The following LAMA2 variants were observed in gnomAD, a reference collection of about 807,000 sequenced individuals.
The protein encoded by LAMA2 is laminin subunit alpha-2.
In LAMA2, 269 loss-of-function variants were observed where a neutral mutation model predicts 364.8. That is an observed-to-expected ratio of 0.74 (90% confidence interval 0.67 to 0.82). The LOEUF is 0.82. Among genes scored for constraint, LAMA2 ranks in the 40% least tolerant of loss-of-function variants. LAMA2 has a pLI of 0.00. For missense variants in LAMA2, 3,807 were observed against 3,873.2 expected (o/e 0.98, Z 0.45); for synonymous variants, 1,379 against 1,370.6 (o/e 1.01, Z -0.14).
intron 41 of LAMA2, among the ~76,000 whole-genome samples, chr6:129,428,100 A>G (rs1781412796): frequency 6.6e-6 from 1 of 152,164 alleles, no homozygotes; most frequent in Admixed American, 6.6e-5. Context: ...CCTATATCTA[A>G]TGTATAGTAA....
At chr6:129,104,852 A>G (rs1049502612) in intron 4 of LAMA2, among the ~76,000 whole-genome samples, 2 of 152,128 alleles carry the variant, frequency 1.3e-5, no homozygotes, top group Non-Finnish European at 2.9e-5. Context: ...AAAGAGCTTA[A>G]CCCTGAAACC....
chr6:129,130,055 G>A (rs564153591), intron 4 of LAMA2, among the ~76,000 whole-genome samples: 2 of 152,170 alleles, frequency 1.3e-5, no homozygotes, highest in African/African-American at 2.4e-5. Flanking sequence ...GATAGGAAGA[G>A]CATATGGTAT....
At chr6:129,326,098 C>G (rs548257668) in intron 28 of LAMA2, among the ~76,000 whole-genome samples, 4 of 152,296 alleles carry the variant, frequency 2.6e-5, no homozygotes, top group Admixed American at 2.6e-4. Flanking sequence ...CCTCAGCCTC[C>G]CAAAATGCTG....
chr6:129,098,097 T>C, intron 3 of LAMA2, 76 bp from the exon 4 acceptor site: 1 of 1,431,150 alleles, frequency 7.0e-7, no homozygotes, highest in South Asian at 1.2e-5. Flanking sequence ...TACTGTAGCA[T>C]TTAGACTTAT....
intron 40 of LAMA2, among the ~76,000 whole-genome samples, chr6:129,420,009 A>T (rs1482861327): frequency 5.9e-5 from 9 of 152,146 alleles, no homozygotes. Flanking sequence ...TTATTATAAA[A>T]GCAGCTTATG....
At chr6:129,074,075 C>G (rs114576414) in intron 3 of LAMA2, among the ~76,000 whole-genome samples, 306 of 152,306 alleles carry the variant, frequency 2.0e-3, no homozygotes, top group African/African-American at 7.1e-3. Flanking sequence ...CTAGTTTACT[C>G]TTAGTTCTAG....
At chr6:128,962,155 T>C (rs1198172135) in intron 1 of LAMA2, among the ~76,000 whole-genome samples, 1 of 101,646 alleles carries the variant, frequency 9.8e-6, no homozygotes, top group Non-Finnish European at 2.0e-5. Flanking sequence ...TATATATATA[T>C]ATATATATAT....
At chr6:128,910,788 A>G (rs1401302822) in intron 1 of LAMA2, among the ~76,000 whole-genome samples, 1 of 149,708 alleles carries the variant, frequency 6.7e-6, no homozygotes, top group Admixed American at 6.6e-5. Flanking sequence ...TTGGTCTTTG[A>G]TGATGGTGAT....
At chr6:128,939,507 C>T (rs540816529) in intron 1 of LAMA2, among the ~76,000 whole-genome samples, 2 of 152,078 alleles carry the variant, frequency 1.3e-5, no homozygotes, top group Non-Finnish European at 2.9e-5. Flanking sequence ...GTATCTGACA[C>T]ATAGTACAAA....
intron 12 of LAMA2, among the ~76,000 whole-genome samples, chr6:129,213,903 G>A (rs2115078013): frequency 6.6e-6 from 1 of 152,038 alleles, no homozygotes; most frequent in Middle Eastern, 3.4e-3. Flanking sequence ...CTTGACTTTA[G>A]TGTTATATAT....
At chr6:129,240,228 A>T (rs957816853) in intron 12 of LAMA2, among the ~76,000 whole-genome samples, 1 of 152,198 alleles carries the variant, frequency 6.6e-6, no homozygotes, top group East Asian at 1.9e-4. Context: ...AGCTGATTAA[A>T]TGGTGCCTAC....
intron 1 of LAMA2, among the ~76,000 whole-genome samples, chr6:129,021,081 A>C (rs1785421583): frequency 6.6e-6 from 1 of 152,202 alleles, no homozygotes; most frequent in Admixed American, 6.5e-5. Context: ...TTAATTCCCA[A>C]GTAACTCTTA....
At chr6:128,908,524 C>CT (rs1247295886) in intron 1 of LAMA2, among the ~76,000 whole-genome samples, 11 of 145,000 alleles carry the variant, frequency 7.6e-5, no homozygotes, top group Admixed American at 7.6e-4. Flanking sequence ...ATTCTTCTCT[C>CT]TTTTTTTCTT....
At chr6:129,114,649 A>G (rs923126744) in intron 4 of LAMA2, among the ~76,000 whole-genome samples, 1 of 151,936 alleles carries the variant, frequency 6.6e-6, no homozygotes, top group African/African-American at 2.4e-5. Flanking sequence ...TCTTTTCCCA[A>G]TGTCTTTCTT....
chr6:129,236,663 C>T (rs1785000550), intron 12 of LAMA2, among the ~76,000 whole-genome samples: 1 of 151,940 alleles, frequency 6.6e-6, no homozygotes. Flanking sequence ...GGACTTAACT[C>T]TTATTTTCCC....
At chr6:129,344,339 C>T (rs1377168610) in intron 30 of LAMA2, among the ~76,000 whole-genome samples, 1 of 152,038 alleles carries the variant, frequency 6.6e-6, no homozygotes, top group South Asian at 2.1e-4. Flanking sequence ...TTTACAGATT[C>T]GGAAACTAAT....
intron 14 of LAMA2, among the ~76,000 whole-genome samples, chr6:129,256,755 TTATATAGCATATATATATATATA>T (rs1257698218): frequency 1.2e-5 from 1 of 85,498 alleles, no homozygotes; most frequent in African/African-American, 4.4e-5. Context: ...AAAAAACAAA[TTATATAGCATATATATATATATA>T]TATATATATA....
chr6:129,093,755 C>T (rs1774993255), intron 3 of LAMA2, among the ~76,000 whole-genome samples: 1 of 151,928 alleles, frequency 6.6e-6, no homozygotes, highest in South Asian at 2.1e-4. Flanking sequence ...TAGAAAGTTC[C>T]CTTTGTTATG....
At chr6:128,976,902 C>T (rs931952123) in intron 1 of LAMA2, among the ~76,000 whole-genome samples, 1 of 152,186 alleles carries the variant, frequency 6.6e-6, no homozygotes, top group Non-Finnish European at 1.5e-5. Flanking sequence ...ACAAAGGTTA[C>T]TGTTCCTGTC....
Sources: gnomAD v4.1 joint callset for allele counts (sites outside exome capture counted in the v4.1 genomes callset) on GRCh38, gnomAD v4.1.1 for gene constraint, MANE v1.5 for transcripts, NCBI Gene and HGNC (gene_info 2026-07-23, HGNC 2026-07-21) for gene names.